SDK1: variants seen among roughly 807,000 people sequenced by gnomAD.
The protein encoded by SDK1 is sidekick cell adhesion molecule 1, also known as protein sidekick-1.
In SDK1, 157 loss-of-function variants were observed where a neutral mutation model predicts 245.5. The observed-to-expected ratio is 0.64, with a 90% CI of 0.56 to 0.73. The LOEUF is 0.73. Ranked by LOEUF, SDK1 falls within the 30% of genes least tolerant of loss-of-function variation. SDK1 has a pLI of 0.00. For synonymous variants in SDK1, 1,647 were observed against 1,278.5 expected, an observed-to-expected ratio of 1.29 and a Z score of -6.15; for missense variants, 3,583 against 3,002.3, an observed-to-expected ratio of 1.19 and a Z score of -4.52.
intron 22 of SDK1, among the ~76,000 whole-genome samples, chr7:4,085,419 G>A (rs963961774): frequency 6.6e-6 from 1 of 152,154 alleles, no homozygotes; most frequent in Non-Finnish European, 1.5e-5. Context: ...TACAGTTGCA[G>A]TACTGTTCTA....
intron 5 of SDK1, among the ~76,000 whole-genome samples, chr7:3,906,317 G>A (rs922899132): frequency 2.6e-5 from 4 of 151,904 alleles, no homozygotes; most frequent in Non-Finnish European, 4.4e-5. Context: ...AATTATTGTA[G>A]TAAGTTCAGG....
intron 3 of SDK1, among the ~76,000 whole-genome samples, chr7:3,640,166 T>G (rs10235750): frequency 6.6e-6 from 1 of 152,026 alleles, no homozygotes; most frequent in African/African-American, 2.4e-5. Context: ...TTTACTATAT[T>G]TTGAATGTAT....
intron 1 of SDK1, among the ~76,000 whole-genome samples, chr7:3,614,372 C>A (rs952858508): frequency 6.6e-6 from 1 of 152,154 alleles, no homozygotes; most frequent in East Asian, 1.9e-4. Flanking sequence ...TGCTCATTTT[C>A]CTGAGGAAGG....
chr7:3,403,851 A>ATAATATATATATT (rs1778968598), intron 1 of SDK1, among the ~76,000 whole-genome samples: 1 of 90,030 alleles, frequency 1.1e-5, no homozygotes, highest in Non-Finnish European at 2.0e-5. Context: ...ATATATATAT[A>ATAATATATATATT]TATATATATA....
chr7:3,330,243 T>C (rs914673301), intron 1 of SDK1, among the ~76,000 whole-genome samples: 2 of 152,224 alleles, frequency 1.3e-5, no homozygotes, highest in Admixed American at 6.5e-5. Context: ...AGTAACTGTT[T>C]AAGCATTTGA....
intron 4 of SDK1, among the ~76,000 whole-genome samples, chr7:3,815,408 G>T (rs1312066536): frequency 1.3e-4 from 19 of 145,010 alleles, no homozygotes; most frequent in Non-Finnish European, 2.4e-4. Flanking sequence ...TTCTATGCTG[G>T]ATTACATTTA....
chr7:4,145,735 C>G lies in SDK1; in HGVS notation c.4242C>G (p.Ala1414=). Residue 1414 remains alanine, a synonymous_variant, in exon 29 of 45, where the codon GCC becomes GCG. Transcript: ENST00000404826. Reference sequence around the variant, plus strand: ...ACCTGCCTGCAGGGTACCAGATTGCCTACCGCCTGGCCAGCAGCAGCCCCC... The same window carrying G: ...ACCTGCCTGCAGGGTACCAGATTGCGTACCGCCTGGCCAGCAGCAGCCCCC... ...PNGIILGYQI[A]YRLASSSPHT... is the part of the protein sequence containing the mutation. 1.2e-6 allele frequency: 2 copies of G among 1,607,494 alleles called. No individual in the cohort carries two copies. Among genetic ancestry groups the G allele is most frequent in the Non-Finnish European group, 1.7e-6 (2 of 1,176,960 alleles).
rs889297722 is a variant in SDK1, at chr7:3,598,499, C to G, written c.299-20581C>G. Among the ~76,000 whole-genome samples, 8 of 152,232 alleles carry G rather than the reference C, an allele frequency of 5.3e-5. No homozygotes were observed. In the Middle Eastern group the frequency reaches 0.01, roughly 196 times the overall value. On this transcript the variant is annotated intron_variant, in intron 1 of 44. Transcript: ENST00000404826. ...AGACTCTCCCAATGGTAACATGTTACAAAAGTATAATACGGTATTACAGCC... is the reference window on the plus strand; with the variant it reads ...AGACTCTCCCAATGGTAACATGTTAGAAAAGTATAATACGGTATTACAGCC...
chr7:3,375,644 A>G (rs1051182031), intron 1 of SDK1, among the ~76,000 whole-genome samples: 1 of 152,170 alleles, frequency 6.6e-6, no homozygotes, highest in Non-Finnish European at 1.5e-5. Flanking sequence ...AGGACACTCA[A>G]GCAACTCTGT....
chr7:4,234,396 A>G (rs1482307844), intron 41 of SDK1, among the ~76,000 whole-genome samples: 1 of 152,162 alleles, frequency 6.6e-6, no homozygotes, highest in East Asian at 1.9e-4. Context: ...GATGACAGAC[A>G]TGTCTGCAGT....
At chr7:4,254,662 ACTTTC>A (rs1787521428) in intron 44 of SDK1, among the ~76,000 whole-genome samples, 1 of 146,010 alleles carries the variant, frequency 6.8e-6, no homozygotes, top group Admixed American at 6.9e-5. Flanking sequence ...TATGCATTAT[ACTTTC>A]CTGGGTTTTT....
At chr7:3,902,615 T>C (rs969612404) in intron 5 of SDK1, among the ~76,000 whole-genome samples, 9 of 152,220 alleles carry the variant, frequency 5.9e-5, no homozygotes, top group African/African-American at 2.2e-4. Context: ...AAAACTTTCC[T>C]GTGTCTTAAT....
At chr7:3,322,154 C>T (rs891273861) in intron 1 of SDK1, among the ~76,000 whole-genome samples, 1 of 152,012 alleles carries the variant, frequency 6.6e-6, no homozygotes, top group South Asian at 2.1e-4. Context: ...CAAAGGAAGT[C>T]CCATACGTAT....
rs942578034 is a variant in SDK1 at position 3,869,721 on chromosome 7, A to G, written c.847+48138A>G. Among the ~76,000 whole-genome samples, 11 of 152,230 alleles carry G rather than the reference A, an allele frequency of 7.2e-5. No homozygotes were observed. The South Asian group carries it at 2.3e-3, about 31-fold the overall frequency. Reference sequence around the variant, plus strand: ...TTTAGATTTTGAGATCTCACCTGACATTGAGAGACACTGGCTCTCTCAGGC... The same window carrying G: ...TTTAGATTTTGAGATCTCACCTGACGTTGAGAGACACTGGCTCTCTCAGGC... On this transcript the variant is annotated intron_variant, in intron 5 of 44. Coordinates refer to ENST00000404826, the MANE Select transcript of SDK1 (RefSeq NM_152744.4).
chr7:3,853,308 G>T (rs1780463744), intron 5 of SDK1, among the ~76,000 whole-genome samples: 1 of 152,114 alleles, frequency 6.6e-6, no homozygotes, highest in Non-Finnish European at 1.5e-5. Context: ...AACAATTTTG[G>T]AGGGCATCTA....
intron 14 of SDK1, among the ~76,000 whole-genome samples, chr7:3,992,193 C>T (rs549752820): frequency 1.6e-4 from 25 of 152,332 alleles, no homozygotes; most frequent in African/African-American, 4.3e-4. Context: ...TCTGCCCTGA[C>T]GACATTCCTG....
rs757817343 is a variant in SDK1, at chr7:4,113,456, A to G, written c.3585+17A>G. 1.2e-6 allele frequency: 2 copies of G among 1,612,942 alleles called. No individual in the cohort carries two copies. On this transcript the variant is annotated intron_variant, in intron 24 of 44. Coordinates refer to ENST00000404826, the MANE Select transcript of SDK1 (RefSeq NM_152744.4). ...CGCTGGGTGGTGAGTGGGGGTGAGA[A>G]GGGAGGCTGGAGGCACACGGGTCCT...
intron 5 of SDK1, among the ~76,000 whole-genome samples, chr7:3,929,231 C>T (rs188184772): frequency 5.3e-5 from 8 of 152,310 alleles, no homozygotes; most frequent in Non-Finnish European, 7.3e-5. Flanking sequence ...CGCCAAATTC[C>T]GTCACTGATT....
chr7:3,612,706 A>G (rs1056708548), intron 1 of SDK1, among the ~76,000 whole-genome samples: 1 of 152,194 alleles, frequency 6.6e-6, no homozygotes, highest in African/African-American at 2.4e-5. Flanking sequence ...TTTAAACTGA[A>G]AGATTAGTCG....
Sources: allele counts gnomAD v4.1 joint callset (sites outside exome capture counted in the v4.1 genomes callset), GRCh38; gene constraint gnomAD v4.1.1; transcripts MANE v1.5; gene names NCBI Gene and HGNC (gene_info 2026-07-23, HGNC 2026-07-21).